ITGBL1: variants seen among roughly 807,000 people sequenced by gnomAD.
ITGBL1 encodes integrin subunit beta like 1.
In ITGBL1, 51 loss-of-function variants were observed where a neutral mutation model predicts 68.5. The ratio of observed to expected loss-of-function variants is 0.74; its 90% CI spans 0.59 to 0.94. The LOEUF (loss-of-function observed/expected upper bound fraction) is 0.94. Among genes scored for constraint, ITGBL1 ranks in the 40% least tolerant of loss-of-function variants. ITGBL1 has a pLI of 0.00. For missense variants in ITGBL1, 649 were observed against 647.4 expected (o/e 1.00, Z -0.03); for synonymous variants, 209 against 227.3 (o/e 0.92, Z 0.72).
Position 101,576,275 on chromosome 13 carries a change from C to G in ITGBL1, c.586+729C>G, listed in dbSNP as rs185956818. Among the ~76,000 whole-genome samples, 38 of 152,216 alleles carry G rather than the reference C, an allele frequency of 2.5e-4. 1 individual carries two copies. The East Asian group carries it at 7.0e-3, about 28-fold the overall frequency. On this transcript the variant is annotated intron_variant, in intron 4 of 10. Transcript: ENST00000376180. ...GCTCGTGTCTGTGTGATGCCAAAGT[C>G]TATGTTCCTGATGCCTCACCACTCA... is the stretch of plus-strand genomic sequence containing the variant.
chr13:101,683,138 T>C (rs984817731), intron 7 of ITGBL1, among the ~76,000 whole-genome samples: 1 of 152,180 alleles, frequency 6.6e-6, no homozygotes, highest in East Asian at 1.9e-4. Context: ...GATTCAGAAA[T>C]AGAAGAATGC....
intron 2 of ITGBL1, among the ~76,000 whole-genome samples, chr13:101,521,564 G>A (rs951416276): frequency 1.3e-5 from 2 of 152,024 alleles, no homozygotes; most frequent in Non-Finnish European, 2.9e-5. Flanking sequence ...AGGGTGGGAG[G>A]AGATGACGTC....
At chr13:101,489,710 G>A (rs1467937279) in intron 2 of ITGBL1, among the ~76,000 whole-genome samples, 1 of 152,142 alleles carries the variant, frequency 6.6e-6, no homozygotes, top group African/African-American at 2.4e-5. Flanking sequence ...GAGAGTTAGG[G>A]AACTTTTATT....
intron 2 of ITGBL1, among the ~76,000 whole-genome samples, chr13:101,562,652 G>A (rs2050118607): frequency 2.0e-5 from 3 of 151,710 alleles, no homozygotes; most frequent in Admixed American, 1.3e-4. Flanking sequence ...TACACATAAA[G>A]CATTTCAAAA....
intron 8 of ITGBL1, among the ~76,000 whole-genome samples, chr13:101,703,008 C>T (rs1333435262): frequency 6.6e-6 from 1 of 152,098 alleles, no homozygotes; most frequent in Admixed American, 6.6e-5. Flanking sequence ...ATTTCAATCT[C>T]CTCCAAGTTT....
intron 2 of ITGBL1, among the ~76,000 whole-genome samples, chr13:101,531,877 G>C (rs1295881963): frequency 1.3e-5 from 2 of 151,820 alleles, no homozygotes; most frequent in African/African-American, 4.8e-5. Flanking sequence ...GGGACAACAG[G>C]CGCCTGCCAC....
At chr13:101,682,505 C>T (rs957912026) in intron 7 of ITGBL1, among the ~76,000 whole-genome samples, 1 of 151,970 alleles carries the variant, frequency 6.6e-6, no homozygotes, top group African/African-American at 2.4e-5. Flanking sequence ...TCAATGAACA[C>T]GGTAACTTTC....
At chr13:101,680,533 CTT>C (rs558867026) in intron 7 of ITGBL1, among the ~76,000 whole-genome samples, 4 of 143,738 alleles carry the variant, frequency 2.8e-5, no homozygotes, top group Non-Finnish European at 4.6e-5. Context: ...CGGGAATACA[CTT>C]TTTTTTTTTT....
chr13:101,643,950 GGCCCACACAACGTTA>G (rs1156969883), intron 7 of ITGBL1, among the ~76,000 whole-genome samples: 2 of 152,118 alleles, frequency 1.3e-5, no homozygotes, highest in Middle Eastern at 3.2e-3. Flanking sequence ...CCTCCAGAGT[GGCCCACACAACGTTA>G]GCTCCATTTC....
chr13:101,554,371 T>G (rs1399008787), intron 2 of ITGBL1, among the ~76,000 whole-genome samples: 1 of 152,222 alleles, frequency 6.6e-6, no homozygotes, highest in East Asian at 1.9e-4. Flanking sequence ...TGTTCACAGT[T>G]CACAGGGCTT....
At chr13:101,493,346 G>GA (rs879435983) in intron 2 of ITGBL1, among the ~76,000 whole-genome samples, 1,921 of 142,080 alleles carry the variant, frequency 0.014, 21 homozygotes, top group African/African-American at 0.03. Context: ...GTCACTTATT[G>GA]AAAAAAAAAA....
intron 7 of ITGBL1, among the ~76,000 whole-genome samples, chr13:101,618,083 T>G (rs2031436711): frequency 6.6e-6 from 1 of 152,228 alleles, no homozygotes; most frequent in Admixed American, 6.5e-5. Context: ...TGCTGCTATT[T>G]ACCTCTTACA....
At chr13:101,532,141 T>G (rs1042619156) in intron 2 of ITGBL1, among the ~76,000 whole-genome samples, 2 of 152,206 alleles carry the variant, frequency 1.3e-5, no homozygotes, top group African/African-American at 4.8e-5. Flanking sequence ...TCAAGTTATT[T>G]CTTAGAAGTT....
intron 7 of ITGBL1, among the ~76,000 whole-genome samples, chr13:101,631,508 G>T (rs2031977628): frequency 6.6e-6 from 1 of 152,056 alleles, no homozygotes; most frequent in African/African-American, 2.4e-5. Context: ...CAGAGAAACT[G>T]CAGAAGAGAA....
chr13:101,641,528 T>C (rs1053609556), intron 7 of ITGBL1, among the ~76,000 whole-genome samples: 16 of 149,498 alleles, frequency 1.1e-4, no homozygotes, highest in Admixed American at 6.6e-4. Flanking sequence ...TCTTTTTTAT[T>C]TTATTTTATT....
chr13:101,714,655 C>G, intron 10 of ITGBL1, 104 bp downstream of exon 10: 1 of 721,300 alleles, frequency 1.4e-6, no homozygotes, highest in Non-Finnish European at 2.5e-6. Context: ...CAGGGCCAAC[C>G]GTGAATATGA....
intron 6 of ITGBL1, among the ~76,000 whole-genome samples, chr13:101,585,765 T>C (rs1036930731): frequency 2.0e-5 from 3 of 152,032 alleles, no homozygotes; most frequent in Non-Finnish European, 4.4e-5. Context: ...GAGATAAACA[T>C]GATTTGACAC....
At chr13:101,641,717 C>G (rs2032379727) in intron 7 of ITGBL1, among the ~76,000 whole-genome samples, 2 of 145,962 alleles carry the variant, frequency 1.4e-5, no homozygotes, top group Admixed American at 6.8e-5. Context: ...TCCCCCTCCC[C>G]CGACCCCACA....
chr13:101,662,908 A>G (rs2033124595), intron 7 of ITGBL1, among the ~76,000 whole-genome samples: 2 of 152,078 alleles, frequency 1.3e-5, no homozygotes, highest in African/African-American at 4.8e-5. Flanking sequence ...TTTGTAGAAA[A>G]TATTCATTAG....
Sources: allele counts gnomAD v4.1 joint callset (sites outside exome capture counted in the v4.1 genomes callset), GRCh38; gene constraint gnomAD v4.1.1; transcripts MANE v1.5; gene names NCBI Gene and HGNC (gene_info 2026-07-23, HGNC 2026-07-21).